UVRAG: variants seen among roughly 807,000 people sequenced by gnomAD.
UVRAG encodes the protein UV radiation resistance associated.
UVRAG carries 19 observed loss-of-function variants against 78.0 expected under a neutral mutation model. That is an observed-to-expected ratio of 0.24 (90% confidence interval 0.17 to 0.36). UVRAG has a LOEUF of 0.36. UVRAG is among the 10% of genes least tolerant of loss of function. The probability of loss-of-function intolerance (pLI) is 1.00; values close to 1 mark genes in which losing one functional copy is unlikely to be tolerated. For synonymous variants in UVRAG, 323 were observed against 324.6 expected, an observed-to-expected ratio of 1.00 and a Z score of 0.05; for missense variants, 740 against 853.8, an observed-to-expected ratio of 0.87 and a Z score of 1.66.
At chr11:76,139,700 T>A (rs1952670217) in intron 14 of UVRAG, among the ~76,000 whole-genome samples, 1 of 152,198 alleles carries the variant, frequency 6.6e-6, no homozygotes, top group Non-Finnish European at 1.5e-5. Context: ...TAGCCATCAT[T>A]TCCAGGATGT....
At chr11:75,883,328 G>C (rs1202236936) in intron 4 of UVRAG, among the ~76,000 whole-genome samples, 1 of 145,918 alleles carries the variant, frequency 6.9e-6, no homozygotes, top group Non-Finnish European at 1.5e-5. Flanking sequence ...TGGCATTCAG[G>C]TGTCTTCATA....
At chr11:76,065,555 T>A (rs1456835616) in intron 12 of UVRAG, among the ~76,000 whole-genome samples, 155 bp from the exon 13 acceptor site, 1 of 152,232 alleles carries the variant, frequency 6.6e-6, no homozygotes, top group African/African-American at 2.4e-5. Context: ...ATTAATATTA[T>A]GAAGATGTCA....
At chr11:75,985,115 G>A (rs1949472758) in intron 8 of UVRAG, among the ~76,000 whole-genome samples, 1 of 150,046 alleles carries the variant, frequency 6.7e-6, no homozygotes, top group Non-Finnish European at 1.5e-5. Context: ...CCTCTGTCCA[G>A]TGTTGCTCCT....
At chr11:76,004,844 TA>T (rs1242567105) in intron 9 of UVRAG, among the ~76,000 whole-genome samples, 7 of 152,188 alleles carry the variant, frequency 4.6e-5, no homozygotes, top group Admixed American at 3.9e-4. Context: ...TAGCCTGTAA[TA>T]AATTGGCACC....
chr11:76,130,315 T>C (rs1383038741), intron 14 of UVRAG, among the ~76,000 whole-genome samples: 1 of 152,212 alleles, frequency 6.6e-6, no homozygotes. Context: ...GTGATGTATG[T>C]GTACTTGTCT....
chr11:75,949,199 C>G lies in UVRAG; in HGVS notation c.594-12245C>G, dbSNP rs139701667. Among the ~76,000 whole-genome samples, 301 of 152,198 alleles carry G rather than the reference C, an allele frequency of 2.0e-3. 1 individual carries two copies. Among genetic ancestry groups the G allele is most frequent in the Middle Eastern group, 6.8e-3 (2 of 294 alleles). On this transcript the variant is annotated intron_variant, in intron 6 of 14. Transcript: ENST00000356136. ...GTTGCTTGATTTTTGTGACAGTGGT[C>G]ATTCCTCCCTTGATGGGCTGTTCCT...
intron 7 of UVRAG, among the ~76,000 whole-genome samples, chr11:75,965,342 C>G (rs923291301): frequency 6.6e-6 from 1 of 151,542 alleles, no homozygotes; most frequent in Non-Finnish European, 1.5e-5. Context: ...GACGGAGTCT[C>G]GCTCTGTCGC....
chr11:75,951,792 A>G (rs890344200), intron 6 of UVRAG, among the ~76,000 whole-genome samples: 3 of 152,036 alleles, frequency 2.0e-5, no homozygotes, highest in Admixed American at 1.3e-4. Context: ...CCCTCCAGCT[A>G]TTTCCCGCCC....
At chr11:75,996,367 A>G (rs1949707210) in intron 8 of UVRAG, among the ~76,000 whole-genome samples, 1 of 152,296 alleles carries the variant, frequency 6.6e-6, no homozygotes, top group East Asian at 1.9e-4. Context: ...GCCTTTGTCA[A>G]TTCATTTATT....
chr11:75,950,826 A>G (rs1283043337), intron 6 of UVRAG, among the ~76,000 whole-genome samples: 2 of 152,164 alleles, frequency 1.3e-5, no homozygotes, highest in African/African-American at 4.8e-5. Context: ...TTCATGTGCT[A>G]ATAGCTCATT....
chr11:75,887,172 G>A (rs1355126510), intron 4 of UVRAG, among the ~76,000 whole-genome samples: 1 of 151,708 alleles, frequency 6.6e-6, no homozygotes, highest in Non-Finnish European at 1.5e-5. Context: ...TTGAGACAAG[G>A]TCTTGCTTGG....
chr11:75,978,557 T>G (rs556977890), intron 7 of UVRAG, among the ~76,000 whole-genome samples: 6 of 152,328 alleles, frequency 3.9e-5, no homozygotes, highest in Non-Finnish European at 8.8e-5. Context: ...GTTGGAGGCT[T>G]TGTTCATTTC....
intron 1 of UVRAG, among the ~76,000 whole-genome samples, chr11:75,817,091 G>A (rs73489916): frequency 6.6e-6 from 1 of 152,108 alleles, no homozygotes; most frequent in Non-Finnish European, 1.5e-5. Flanking sequence ...TACAGGGAGA[G>A]GGTAGAAGTC....
At chr11:75,869,187 T>C (rs925360350) in intron 3 of UVRAG, among the ~76,000 whole-genome samples, 11 of 152,152 alleles carry the variant, frequency 7.2e-5, no homozygotes, top group Non-Finnish European at 1.3e-4. Flanking sequence ...CCCACTTCCT[T>C]CCACTGATTA....
chr11:76,016,733 A>G (rs1428877531), intron 11 of UVRAG, 82 bp from the exon 12 acceptor site: 1 of 1,224,596 alleles, frequency 8.2e-7, no homozygotes, highest in Non-Finnish European at 1.1e-6. Context: ...TTTATAAAAT[A>G]TTCTTTGAAA....
chr11:76,140,972 C>G lies in UVRAG; in HGVS notation c.1659C>G (p.Thr553=). 1 of 1,614,122 alleles carries G rather than the reference C, an allele frequency of 6.2e-7. No homozygotes were observed. The highest frequency in any genetic ancestry group is 8.5e-7 in the Non-Finnish European group (1 of 1,180,034). ...KITSLSSSLD[T]SLDFSKENKK... is the part of the protein sequence containing the mutation. ...CATCTCTATCCTCCTCCTTGGATAC[C>G]TCCTTGGACTTCTCCAAAGAAAACA... The change falls in exon 15 of 15, where the codon ACC becomes ACG. Residue 553 remains threonine, a synonymous_variant. Transcript: ENST00000356136.
At chr11:76,003,538 TGA>T (rs1344992471) in intron 8 of UVRAG, among the ~76,000 whole-genome samples, 2 of 152,098 alleles carry the variant, frequency 1.3e-5, no homozygotes, top group African/African-American at 4.8e-5. Flanking sequence ...ATGATATTTA[TGA>T]GGAAGATGAC....
chr11:76,103,745 G>A (rs1951923142), intron 13 of UVRAG, among the ~76,000 whole-genome samples: 1 of 152,020 alleles, frequency 6.6e-6, no homozygotes, highest in Non-Finnish European at 1.5e-5. Flanking sequence ...CTGGAAAACT[G>A]TGTTCCATTT....
At chr11:76,044,920 T>C (rs1399265991) in intron 12 of UVRAG, among the ~76,000 whole-genome samples, 1 of 152,018 alleles carries the variant, frequency 6.6e-6, no homozygotes, top group East Asian at 1.9e-4. Flanking sequence ...CGTAGCAGAC[T>C]GGAAAAATGA....
Sources: allele counts gnomAD v4.1 joint callset (sites outside exome capture counted in the v4.1 genomes callset), GRCh38; gene constraint gnomAD v4.1.1; transcripts MANE v1.5; gene names NCBI Gene and HGNC (gene_info 2026-07-23, HGNC 2026-07-21).